The following FLI1 variants were observed in gnomAD, a reference collection of about 807,000 sequenced individuals.
FLI1 encodes the protein Friend leukemia integration 1 transcription factor.
In FLI1, 13 loss-of-function variants were observed where a neutral mutation model predicts 53.1. The observed-to-expected ratio is 0.24, with a 90% confidence interval of 0.16 to 0.39. The LOEUF is 0.39. Among genes scored for constraint, FLI1 ranks in the 10% least tolerant of loss-of-function variants. The probability of loss-of-function intolerance (pLI) is 1.00; values close to 1 mark genes in which losing one functional copy is unlikely to be tolerated. For missense variants in FLI1, 424 were observed against 600.5 expected, an observed-to-expected ratio of 0.71 and a Z score of 3.07; for synonymous variants, 244 against 236.7, an observed-to-expected ratio of 1.03 and a Z score of -0.28.
Position 128,758,298 on chromosome 11 carries a change from C to A in FLI1, c.202C>A (p.Arg68=), listed in dbSNP as rs754322278. 1 of 1,613,410 alleles carries A rather than the reference C, an allele frequency of 6.2e-7. No homozygotes were observed. The highest frequency in any genetic ancestry group is 2.2e-5 in the East Asian group (1 of 44,874). Residue 68 remains arginine, a synonymous_variant, in exon 2 of 9, where the codon CGG becomes AGG. Transcript: ENST00000527786. ...TCAGCCAGTGAGGGTCAACGTCAAGCGGGAGTATGACCACATGAATGGATC... is the reference window on the plus strand; with the variant it reads ...TCAGCCAGTGAGGGTCAACGTCAAGAGGGAGTATGACCACATGAATGGATC... ...INQPVRVNVK[R]EYDHMNGSRE... is the part of the protein sequence containing the mutation.
chr11:128,775,778 A>G (rs889507905), intron 4 of FLI1, among the ~76,000 whole-genome samples: 12 of 152,200 alleles, frequency 7.9e-5, no homozygotes, highest in African/African-American at 2.9e-4. Context: ...GTGCTTTATC[A>G]TCTTGTCCTT....
intron 5 of FLI1, among the ~76,000 whole-genome samples, chr11:128,790,100 G>A (rs901581343): frequency 7.3e-5 from 11 of 151,050 alleles, no homozygotes; most frequent in Admixed American, 2.6e-4. Flanking sequence ...GTGTGTGCAC[G>A]CGTGCTGTTT....
intron 2 of FLI1, among the ~76,000 whole-genome samples, chr11:128,763,245 C>A (rs1223635381): frequency 6.6e-6 from 1 of 152,208 alleles, no homozygotes; most frequent in Non-Finnish European, 1.5e-5. Context: ...AGTGCAGAGA[C>A]TGAGGTCTGA....
chr11:128,707,918 C>T (rs776680914), intron 1 of FLI1, among the ~76,000 whole-genome samples: 2 of 152,194 alleles, frequency 1.3e-5, no homozygotes, highest in Non-Finnish European at 2.9e-5. Context: ...GATTCAGATT[C>T]TTGTTGGTTC....
chr11:128,689,866 CCCTCCCGCCGCCGCGG>C (rs1446398877), upstream of FLI1, among the ~76,000 whole-genome samples: 1 of 151,704 alleles, frequency 6.6e-6, no homozygotes, highest in Admixed American at 6.5e-5. Context: ...CCGCCCCCGG[CCCTCCCGCCGCCGCGG>C]CCTCCCACGT....
At position 128,805,401 on chromosome 11, in the gene FLI1, G is replaced by C; in HGVS notation, c.691G>C (p.Gly231Arg). The change falls in exon 6 of 9, where the codon GGC (glycine) becomes CGC (arginine). Residue 231 changes from glycine (G) to arginine (R), a missense_variant. This residue lies in a region of FLI1 where 114 missense variants were observed against 117.9 expected (regional missense o/e 0.97). Transcript: ENST00000527786. Reference sequence around the variant, plus strand: ...TGACTCAGTCAGAAGAGGAGCTTGGGGCAATAACATGAATTCTGGCCTCAA... The same window carrying C: ...TGACTCAGTCAGAAGAGGAGCTTGGCGCAATAACATGAATTCTGGCCTCAA... Reference protein sequence around the residue: ...SYDSVRRGAWGNNMNSGLNKS... With the variant: ...SYDSVRRGAWRNNMNSGLNKS... 2 of 1,588,072 alleles carry C rather than the reference G, an allele frequency of 1.3e-6. No homozygotes were observed. The highest frequency in any genetic ancestry group is 2.3e-5 in the South Asian group (2 of 87,388).
At chr11:128,758,895 G>C (rs1171392601) in intron 2 of FLI1, among the ~76,000 whole-genome samples, 1 of 152,192 alleles carries the variant, frequency 6.6e-6, no homozygotes, top group Non-Finnish European at 1.5e-5. Context: ...AGACAGGAGG[G>C]TCCAGGGAGA....
chr11:128,793,304 C>A (rs1189725687), intron 5 of FLI1, among the ~76,000 whole-genome samples: 4 of 151,970 alleles, frequency 2.6e-5, no homozygotes, highest in African/African-American at 9.7e-5. Context: ...ATGTCAAAAT[C>A]AACTTAAAGC....
chr11:128,750,666 G>A (rs755588406), intron 1 of FLI1, among the ~76,000 whole-genome samples: 2 of 152,150 alleles, frequency 1.3e-5, no homozygotes, highest in Admixed American at 6.5e-5. Flanking sequence ...TTTGCTCATC[G>A]TTCATATCGG....
chr11:128,771,268 C>G (rs1279422393), intron 3 of FLI1, among the ~76,000 whole-genome samples: 1 of 152,186 alleles, frequency 6.6e-6, no homozygotes, highest in Non-Finnish European at 1.5e-5. Context: ...ACCTGTGAAC[C>G]CAAACTCTCC....
upstream of FLI1, chr11:128,693,958 GAGAGAGAGAGAGAGA>G: frequency 5.0e-6 from 1 of 199,716 alleles, no homozygotes; most frequent in East Asian, 6.5e-5. Flanking sequence ...GAGAGAGAGA[GAGAGAGAGAGAGAGA>G]GAGAGAGAGA....
intron 5 of FLI1, among the ~76,000 whole-genome samples, chr11:128,790,443 G>C (rs969158261): frequency 6.6e-6 from 1 of 152,082 alleles, no homozygotes; most frequent in African/African-American, 2.4e-5. Flanking sequence ...TAGCCAGCCC[G>C]CCCTGTCCTG....
rs1321899296 is a variant in FLI1 at position 128,758,112 on chromosome 11, C to A, written c.19-3C>A. The stretch of plus-strand genomic sequence containing the variant: ...GCTTTCTGTCTCTTCTCTGGCCCTG[C>A]AGGAGGCTCTGTCGGTGGTGAGCGA... On this transcript the variant is annotated splice_polypyrimidine_tract_variant and splice_region_variant and intron_variant, in intron 1 of 8. Transcript: ENST00000527786. 1 of 1,609,696 alleles carries A rather than the reference C, an allele frequency of 6.2e-7. No homozygotes were observed. Among genetic ancestry groups the A allele is most frequent in the Non-Finnish European group, 8.5e-7 (1 of 1,178,026 alleles).
chr11:128,768,795 C>T (rs1941448849), intron 3 of FLI1, among the ~76,000 whole-genome samples: 1 of 152,116 alleles, frequency 6.6e-6, no homozygotes, highest in African/African-American at 2.4e-5. Context: ...AGAAGCCCCA[C>T]CCTTAAACAG....
intron 1 of FLI1, among the ~76,000 whole-genome samples, chr11:128,716,678 C>A (rs2135728225): frequency 6.6e-6 from 1 of 152,194 alleles, no homozygotes; most frequent in African/African-American, 2.4e-5. Flanking sequence ...TCTGGGCTTC[C>A]CACTCTCCTC....
intron 7 of FLI1, 65 bp from the exon 8 acceptor site, chr11:128,809,092 A>G: frequency 7.7e-7 from 1 of 1,298,774 alleles, no homozygotes; most frequent in Non-Finnish European, 1.1e-6. Flanking sequence ...TGGTTTTCTT[A>G]TGGTTGGTAC....
In FLI1 at chr11:128,757,760, C is replaced by G. The variant is rs1038875647; in HGVS notation, c.19-355C>G. Reference sequence around the variant, plus strand: ...TCTGCTTATGCCTGGAAAAATCTAGCATTCACACACCACCACAATACTATA... The same window carrying G: ...TCTGCTTATGCCTGGAAAAATCTAGGATTCACACACCACCACAATACTATA... On this transcript the variant is annotated intron_variant, in intron 1 of 8. Coordinates refer to ENST00000527786, the MANE Select transcript of FLI1 (RefSeq NM_002017.5). Among the ~76,000 whole-genome samples the G allele has an allele frequency of 2.0e-5, 3 of 152,210 alleles. No homozygotes were observed. The East Asian group carries it at 5.8e-4, about 29-fold the overall frequency.
intron 5 of FLI1, chr11:128,804,904 G>A (rs1446731259): frequency 6.6e-6 from 1 of 152,620 alleles, no homozygotes; most frequent in Non-Finnish European, 1.5e-5. Flanking sequence ...ACAGAACTAT[G>A]GACATTTAAG....
intron 2 of FLI1, among the ~76,000 whole-genome samples, chr11:128,760,344 T>A (rs1941057697): frequency 6.6e-6 from 1 of 151,984 alleles, no homozygotes; most frequent in East Asian, 1.9e-4. Flanking sequence ...CCACGTGCCA[T>A]CTGTTAGGCA....
Sources: allele counts gnomAD v4.1 joint callset (sites outside exome capture counted in the v4.1 genomes callset), GRCh38; gene constraint gnomAD v4.1.1; regional missense constraint gnomAD v4.1.1; transcripts MANE v1.5; gene names NCBI Gene and HGNC (gene_info 2026-07-23, HGNC 2026-07-21).